EEF1AKMT1: variants seen among roughly 807,000 people sequenced by gnomAD.
EEF1AKMT1 encodes the protein EEF1A lysine methyltransferase 1.
Under a neutral mutation model 21.0 loss-of-function variants are expected in EEF1AKMT1, and 18 were observed. The ratio of observed to expected loss-of-function variants is 0.86; its 90% CI spans 0.59 to 1.27. The LOEUF is 1.27. Ranked by LOEUF, EEF1AKMT1 falls within the 50% of genes most tolerant of loss-of-function variation. The pLI, the probability that EEF1AKMT1 is intolerant of heterozygous loss-of-function variation, is 0.00. For missense variants in EEF1AKMT1, 246 were observed against 258.6 expected (o/e 0.95, Z 0.33); for synonymous variants, 109 against 94.8 (o/e 1.15, Z -0.87).
intron 3 of EEF1AKMT1, among the ~76,000 whole-genome samples, chr13:20,734,407 C>T (rs2058814718): frequency 6.6e-6 from 1 of 152,112 alleles, no homozygotes; most frequent in African/African-American, 2.4e-5. Context: ...TGACCTTCTG[C>T]AAGTGGCTGA....
chr13:20,735,139 A>G (rs1311274831), intron 3 of EEF1AKMT1, among the ~76,000 whole-genome samples: 5 of 152,164 alleles, frequency 3.3e-5, no homozygotes, highest in Non-Finnish European at 7.4e-5. Flanking sequence ...CGAATCCTAC[A>G]CTGGCAGTTG....
intron 1 of EEF1AKMT1, among the ~76,000 whole-genome samples, chr13:20,763,539 GCCTCC>G (rs951837913): frequency 6.6e-6 from 1 of 151,278 alleles, no homozygotes; most frequent in Non-Finnish European, 1.5e-5. Flanking sequence ...GGCAACCTCC[GCCTCC>G]TGGGTTCAAG....
At chr13:20,743,070 T>A (rs1729522434) in intron 2 of EEF1AKMT1, among the ~76,000 whole-genome samples, 1 of 152,166 alleles carries the variant, frequency 6.6e-6, no homozygotes, top group South Asian at 2.1e-4. Flanking sequence ...AATACTTTTA[T>A]TATTTACTTT....
chr13:20,766,298 C>CAAAA (rs35866979), intron 1 of EEF1AKMT1, among the ~76,000 whole-genome samples: 100 of 76,202 alleles, frequency 1.3e-3, no homozygotes, highest in African/African-American at 2.0e-3. Context: ...GACTCCATCT[C>CAAAA]AAAAAAAAAA....
intron 2 of EEF1AKMT1, among the ~76,000 whole-genome samples, chr13:20,748,715 G>GGA (rs1555326495): frequency 9.5e-6 from 1 of 105,810 alleles, no homozygotes; most frequent in African/African-American, 3.7e-5. Context: ...ATGTATAGTT[G>GGA]TTTTTTTTTG....
At chr13:20,730,060 C>T (rs1784200815) in intron 4 of EEF1AKMT1, among the ~76,000 whole-genome samples, 1 of 152,256 alleles carries the variant, frequency 6.6e-6, no homozygotes, top group Non-Finnish European at 1.5e-5. Context: ...TGGCTCCTGA[C>T]CCCTCAGGTC....
Position 20,731,835 on chromosome 13 carries a change from A to AC in EEF1AKMT1, c.508+5dup. On this transcript the variant is annotated splice_donor_region_variant and intron_variant, in intron 4 of 4. Coordinates refer to ENST00000382758, the MANE Select transcript of EEF1AKMT1 (RefSeq NM_001318939.2). ...ACTTTGATGAGATATGAAATGCAGCACCTACCTGTGCACAGCAGAATCTTG... is the reference window on the plus strand; with the variant it reads ...ACTTTGATGAGATATGAAATGCAGCACCCTACCTGTGCACAGCAGAATCTTG... 6.2e-7 allele frequency: 1 copy of AC among 1,609,722 alleles called. No homozygotes were observed. Among genetic ancestry groups the AC allele is most frequent in the Non-Finnish European group, 8.5e-7 (1 of 1,176,748 alleles).
chr13:20,759,402 AC>A (rs1221482742), intron 1 of EEF1AKMT1, among the ~76,000 whole-genome samples: 1 of 151,910 alleles, frequency 6.6e-6, no homozygotes, highest in African/African-American at 2.4e-5. Flanking sequence ...ACACAGTGAA[AC>A]CCCGTCTCTA....
chr13:20,734,470 G>A (rs1295358279), intron 3 of EEF1AKMT1, among the ~76,000 whole-genome samples: 1 of 152,200 alleles, frequency 6.6e-6, no homozygotes. Context: ...AGGAACTATT[G>A]CACAGAGATA....
intron 2 of EEF1AKMT1, among the ~76,000 whole-genome samples, chr13:20,745,882 G>T (rs1265678297): frequency 1.3e-5 from 2 of 152,034 alleles, no homozygotes; most frequent in Middle Eastern, 3.4e-3. Context: ...AATAAAACAA[G>T]ATGGCATTCA....
intron 2 of EEF1AKMT1, among the ~76,000 whole-genome samples, chr13:20,745,175 C>T (rs917511510): frequency 1.5e-4 from 23 of 152,020 alleles, no homozygotes; most frequent in African/African-American, 5.6e-4. Context: ...GCTCTTTTTT[C>T]TTTCCATATG....
chr13:20,734,041 C>A (rs946329737), intron 3 of EEF1AKMT1, among the ~76,000 whole-genome samples: 10 of 152,184 alleles, frequency 6.6e-5, no homozygotes, highest in African/African-American at 2.2e-4. Flanking sequence ...CCCTGCACAG[C>A]AGCTCTAGAT....
chr13:20,758,592 A>G (rs2058983064), intron 1 of EEF1AKMT1, among the ~76,000 whole-genome samples: 1 of 152,232 alleles, frequency 6.6e-6, no homozygotes, highest in African/African-American at 2.4e-5. Flanking sequence ...AGAGTAGATC[A>G]TACTGCCCAA....
intron 2 of EEF1AKMT1, among the ~76,000 whole-genome samples, chr13:20,743,318 T>C (rs2058882994): frequency 6.6e-6 from 1 of 152,074 alleles, no homozygotes; most frequent in Non-Finnish European, 1.5e-5. Context: ...CTGCCTGCCT[T>C]GGCCTCCCAA....
intron 2 of EEF1AKMT1, among the ~76,000 whole-genome samples, chr13:20,755,085 C>T (rs1477913892): frequency 1.3e-5 from 2 of 151,162 alleles, no homozygotes; most frequent in African/African-American, 2.4e-5. Context: ...GAAGTGCACA[C>T]TTTGGCTCTA....
chr13:20,748,728 T>TGTTTTTG lies in EEF1AKMT1; in HGVS notation c.144+8726_144+8727insCAAAAAC, dbSNP rs1412112016. Among the ~76,000 whole-genome samples the TGTTTTTG allele has an allele frequency of 1.6e-5, 2 of 122,746 alleles. 1 individual carries two copies. The highest frequency in any genetic ancestry group is 3.4e-5 in the Non-Finnish European group (2 of 58,584). The allele number at this position is 122,746 out of a possible 152,430, so 80.5% of individuals were successfully genotyped here. On this transcript the variant is annotated intron_variant, in intron 2 of 4. Coordinates refer to ENST00000382758, the MANE Select transcript of EEF1AKMT1 (RefSeq NM_001318939.2). ...TAATGTATAGTTGTTTTTTTTTGGT[T>TGTTTTTG]TTTTTTTTTTTTTTTTTTTGAGACA...
chr13:20,767,102 C>A (rs907735491), intron 1 of EEF1AKMT1, among the ~76,000 whole-genome samples: 2 of 151,732 alleles, frequency 1.3e-5, no homozygotes, highest in Non-Finnish European at 2.9e-5. Context: ...GTCAGGAGAT[C>A]GAGACCATCC....
intron 1 of EEF1AKMT1, among the ~76,000 whole-genome samples, chr13:20,769,924 G>A (rs1449239210): frequency 6.6e-6 from 1 of 152,006 alleles, no homozygotes; most frequent in Non-Finnish European, 1.5e-5. Context: ...TGAGGAAAAT[G>A]ACATATGAAC....
chr13:20,763,956 T>C (rs905675206), intron 1 of EEF1AKMT1, among the ~76,000 whole-genome samples: 22 of 125,294 alleles, frequency 1.8e-4, no homozygotes, highest in Middle Eastern at 4.2e-3. Context: ...TTAGGATCTG[T>C]ACTGATATCC....
Sources: gnomAD v4.1 joint callset for allele counts (sites outside exome capture counted in the v4.1 genomes callset) on GRCh38, gnomAD v4.1.1 for gene constraint, MANE v1.5 for transcripts, NCBI Gene and HGNC (gene_info 2026-07-23, HGNC 2026-07-21) for gene names.